RIN3: variants seen among roughly 807,000 people sequenced by gnomAD.
RIN3 encodes Ras and Rab interactor 3, also known as RAB5 interacting protein 3.
RIN3 carries 54 observed loss-of-function variants against 76.3 expected under a neutral mutation model. That is an observed-to-expected ratio of 0.71 (90% CI 0.57 to 0.89). The LOEUF is 0.89. Among genes scored for constraint, RIN3 ranks in the 40% least tolerant of loss-of-function variants. RIN3 has a pLI of 0.00. For synonymous variants in RIN3, 576 were observed against 564.0 expected (o/e 1.02, Z -0.30); for missense variants, 1,256 against 1,322.1 (o/e 0.95, Z 0.78).
chr14:92,687,151 C>A (rs1331110833), intron 9 of RIN3: 3 of 152,304 alleles, frequency 2.0e-5, no homozygotes, highest in African/African-American at 7.2e-5. Context: ...GCTTCCAGCG[C>A]CTGCTCGCCC....
chr14:92,583,575 T>C (rs1400897336), intron 3 of RIN3, among the ~76,000 whole-genome samples: 2 of 151,966 alleles, frequency 1.3e-5, no homozygotes, highest in African/African-American at 4.8e-5. Context: ...AGATGAAAAA[T>C]AACAACACAA....
intron 1 of RIN3, among the ~76,000 whole-genome samples, chr14:92,525,367 G>A (rs779431260): frequency 3.3e-5 from 5 of 152,156 alleles, no homozygotes; most frequent in Admixed American, 1.3e-4. Context: ...TGGGGGGATG[G>A]TATTGCCAGG....
chr14:92,630,199 A>T (rs1408891112), intron 4 of RIN3, among the ~76,000 whole-genome samples: 1 of 152,218 alleles, frequency 6.6e-6, no homozygotes, highest in East Asian at 1.9e-4. Flanking sequence ...ACATGTAAAG[A>T]GACAGCACCG....
chr14:92,631,397 A>G (rs1886576709), intron 4 of RIN3, among the ~76,000 whole-genome samples: 1 of 152,198 alleles, frequency 6.6e-6, no homozygotes, highest in South Asian at 2.1e-4. Flanking sequence ...TGCCCCCAGA[A>G]ATAAAAAAAA....
intron 1 of RIN3, among the ~76,000 whole-genome samples, chr14:92,528,338 G>A (rs1261424585): frequency 6.6e-6 from 1 of 152,222 alleles, no homozygotes; most frequent in Admixed American, 6.5e-5. Flanking sequence ...GTGGTGGTCA[G>A]GGCTGTGAGC....
chr14:92,582,542 T>C (rs1384098196), intron 3 of RIN3, among the ~76,000 whole-genome samples: 1 of 146,818 alleles, frequency 6.8e-6, no homozygotes, highest in East Asian at 2.1e-4. Flanking sequence ...AACCTCTGCC[T>C]CCCGAGTTCA....
At chr14:92,534,757 T>C (rs756700811) in intron 1 of RIN3, among the ~76,000 whole-genome samples, 1 of 151,984 alleles carries the variant, frequency 6.6e-6, no homozygotes, top group Non-Finnish European at 1.5e-5. Flanking sequence ...CCCTACACCT[T>C]CCACTATCTT....
chr14:92,514,064 C>T lies in RIN3; in HGVS notation c.44+88C>T. 3.1e-6 allele frequency: 3 copies of T among 953,866 alleles called. No homozygotes were observed. Among genetic ancestry groups the T allele is most frequent in the Non-Finnish European group, 4.1e-6 (3 of 732,778 alleles). 59.1% of individuals were successfully genotyped at this position (953,866 alleles called of 1,614,324 possible). A position where few individuals can be genotyped will look rare whatever the true frequency, so the allele number is the denominator to read the frequency against. On this transcript the variant is annotated intron_variant, in intron 1 of 9. Coordinates refer to ENST00000216487, the MANE Select transcript of RIN3 (RefSeq NM_024832.5). The surrounding 1 kb of genome is among the most constrained non-coding windows in gnomAD (Gnocchi z 7.2). Reference sequence around the variant, plus strand: ...CACTCCACTTCTTGTCCCAGAGAGTCCTTCGGGCGCGTGACCTCGGGGTTG... The same window carrying T: ...CACTCCACTTCTTGTCCCAGAGAGTTCTTCGGGCGCGTGACCTCGGGGTTG...
chr14:92,594,427 T>C (rs539947427), intron 3 of RIN3, among the ~76,000 whole-genome samples: 1,245 of 91,696 alleles, frequency 0.014, 23 homozygotes, highest in African/African-American at 0.046. Flanking sequence ...AGCGAAACTC[T>C]GTCTCAAAAA....
intron 4 of RIN3, among the ~76,000 whole-genome samples, chr14:92,639,562 C>A (rs1886910359): frequency 6.6e-6 from 1 of 152,184 alleles, no homozygotes; most frequent in Admixed American, 6.5e-5. Flanking sequence ...AGAATCGGGA[C>A]CACCCATCCT....
In RIN3 at chr14:92,561,044, A is replaced by AAAATATATAT. The variant is rs1555383856; in HGVS notation, c.249+5090_249+5091insAATATATATA. The stretch of plus-strand genomic sequence containing the variant: ...CTAAAAAAAAAAAAAAAAAAAAAAA[A>AAAATATATAT]ATATATATATATCTGCCATATATAT... On this transcript the variant is annotated intron_variant, in intron 2 of 9. Coordinates refer to ENST00000216487, the MANE Select transcript of RIN3 (RefSeq NM_024832.5). 8.9e-3 allele frequency among the ~76,000 whole-genome samples: 217 copies of AAAATATATAT among 24,394 alleles called. 11 individuals are homozygous for AAAATATATAT. The highest frequency in any genetic ancestry group is 0.027 in the African/African-American group (210 of 7,724). The allele number at this position is 24,394 out of a possible 152,430, so 16.0% of individuals were successfully genotyped here. A position where few individuals can be genotyped will look rare whatever the true frequency, so the allele number is the denominator to read the frequency against.
intron 3 of RIN3, among the ~76,000 whole-genome samples, chr14:92,609,295 A>C (rs1887557): frequency 0.8 from 121,138 of 152,058 alleles, 48,385 homozygotes; most frequent in East Asian, 0.95. Flanking sequence ...TGCCCCTGAC[A>C]CAGCCTTGAG....
intron 2 of RIN3, among the ~76,000 whole-genome samples, chr14:92,566,177 T>A (rs1051371525): frequency 1.3e-5 from 2 of 152,174 alleles, no homozygotes; most frequent in Non-Finnish European, 2.9e-5. Flanking sequence ...AGTCTGGAAG[T>A]TGGGGTCCAG....
intron 3 of RIN3, among the ~76,000 whole-genome samples, chr14:92,611,263 G>A (rs1295385089): frequency 6.6e-6 from 1 of 151,314 alleles, no homozygotes; most frequent in African/African-American, 2.4e-5. Flanking sequence ...TCCCTTCGCT[G>A]GGTCTGTGTC....
Position 92,688,299 on chromosome 14 carries a change from C to A in RIN3, c.*47C>A. 27 of 1,462,734 alleles carry A rather than the reference C, an allele frequency of 1.8e-5. No individual in the cohort carries two copies. Among genetic ancestry groups the A allele is most frequent in the Non-Finnish European group, 2.4e-5 (27 of 1,102,968 alleles). 90.6% of individuals were successfully genotyped at this position (1,462,734 alleles called of 1,614,324 possible). A position where few individuals can be genotyped will look rare whatever the true frequency, so the allele number is the denominator to read the frequency against. Reference sequence around the variant, plus strand: ...CTCACCCCCAGGCGCACGTCTGGCCCCGCCTCTGGCTGCGCACTCCCGACC... The same window carrying A: ...CTCACCCCCAGGCGCACGTCTGGCCACGCCTCTGGCTGCGCACTCCCGACC... On this transcript the variant is annotated 3_prime_UTR_variant, in exon 10 of 10. Transcript: ENST00000216487.
At chr14:92,515,180 G>T (rs1308370691) in intron 1 of RIN3, 1 of 689,670 alleles carries the variant, frequency 1.4e-6, no homozygotes, top group Non-Finnish European at 2.6e-6. Flanking sequence ...AATTCTGGAT[G>T]CTGGTTTCTT....
In RIN3 at chr14:92,685,012, C is replaced by G; in HGVS notation, c.2493C>G (p.Tyr831Ter). 1 of 1,613,652 alleles carries G rather than the reference C, an allele frequency of 6.2e-7. No homozygotes were observed. The highest frequency in any genetic ancestry group is 8.5e-7 in the Non-Finnish European group (1 of 1,179,650). The stretch of plus-strand genomic sequence containing the variant: ...GTTCCTACTATCTGACCACCACCTA[C>G]GGGGCCCTGGAGCACATCAAGAGCT... The part of the protein sequence containing the change: ...GEGSYYLTTT[Y>*]GALEHIKSYD... The change falls in exon 9 of 10, where the codon TAC (tyrosine) becomes TAG (stop). Residue 831 changes from tyrosine (Y) to a stop codon, truncating the protein, a stop_gained. Coordinates refer to ENST00000216487, the MANE Select transcript of RIN3 (RefSeq NM_024832.5). LOFTEE classifies it high-confidence loss of function. This position sits in a 1 kb window ranked among gnomAD's most constrained non-coding sequence, Gnocchi z 4.7.
chr14:92,522,539 G>A (rs1005823626), intron 1 of RIN3, among the ~76,000 whole-genome samples: 2 of 152,094 alleles, frequency 1.3e-5, no homozygotes, highest in South Asian at 4.2e-4. Context: ...TTGCCTACCT[G>A]CCATCTTCGA....
intron 6 of RIN3, among the ~76,000 whole-genome samples, chr14:92,655,214 G>A (rs1424754238): frequency 6.6e-6 from 1 of 151,900 alleles, no homozygotes; most frequent in Non-Finnish European, 1.5e-5. Flanking sequence ...TGGGCATGGT[G>A]GCATGTGCCT....
Sources: gnomAD v4.1 joint callset for allele counts (sites outside exome capture counted in the v4.1 genomes callset) on GRCh38, gnomAD v4.1.1 for gene constraint, Gnocchi (gnomAD v3.1) non-coding constraint, MANE v1.5 for transcripts, NCBI Gene and HGNC (gene_info 2026-07-23, HGNC 2026-07-21) for gene names.